APPBP2: variants seen among roughly 807,000 people sequenced by gnomAD.
APPBP2 encodes amyloid beta precursor protein binding protein 2.
APPBP2 carries 15 observed loss-of-function variants against 76.0 expected under a neutral mutation model. The observed-to-expected ratio is 0.20, with a 90% CI of 0.13 to 0.30. The LOEUF is 0.30. Among genes scored for constraint, APPBP2 ranks in the 10% least tolerant of loss-of-function variants. APPBP2 has a pLI of 1.00. For synonymous variants in APPBP2, 222 were observed against 242.2 expected, an observed-to-expected ratio of 0.92 and a Z score of 0.77; for missense variants, 401 against 687.2, an observed-to-expected ratio of 0.58 and a Z score of 4.66.
At chr17:60,496,421 T>G (rs1465580792) in intron 2 of APPBP2, 2 of 152,184 alleles carry the variant, frequency 1.3e-5, no homozygotes, top group Non-Finnish European at 1.5e-5. Context: ...ACCAAAGGAT[T>G]TGGACTTGGT....
chr17:60,525,700 GTGAGGGGTTAAC>G, intron 1 of APPBP2, 82 bp downstream of exon 1: 1 of 1,571,690 alleles, frequency 6.4e-7, no homozygotes. Flanking sequence ...GCCGGAAGGG[GTGAGGGGTTAAC>G]TGCGGGGGTT....
At chr17:60,459,920 C>T (rs937833641) in intron 9 of APPBP2, 1 of 152,240 alleles carries the variant, frequency 6.6e-6, no homozygotes, top group African/African-American at 2.4e-5. Context: ...AGTTATACCA[C>T]AGGCCATACT....
chr17:60,461,732 T>A, intron 8 of APPBP2, 78 bp downstream of exon 8: 1 of 1,020,416 alleles, frequency 9.8e-7, no homozygotes, highest in Non-Finnish European at 1.4e-6. Flanking sequence ...ATTTTTAGAG[T>A]GGTTTATACA....
chr17:60,513,004 G>A (rs1598375067), intron 1 of APPBP2, among the ~76,000 whole-genome samples: 1 of 140,480 alleles, frequency 7.1e-6, no homozygotes, highest in Non-Finnish European at 1.5e-5. Flanking sequence ...AAAAGGGAAC[G>A]CTACATGGTC....
At chr17:60,472,723 G>A (rs2090562704) in intron 4 of APPBP2, among the ~76,000 whole-genome samples, 1 of 152,192 alleles carries the variant, frequency 6.6e-6, no homozygotes, top group South Asian at 2.1e-4. Flanking sequence ...AGAATTAGCA[G>A]ACAGATTGAA....
At chr17:60,500,664 G>A (rs1372727853) in intron 1 of APPBP2, among the ~76,000 whole-genome samples, 177 bp from the exon 2 acceptor site, 1 of 151,710 alleles carries the variant, frequency 6.6e-6, no homozygotes, top group Non-Finnish European at 1.5e-5. Flanking sequence ...GCATATAATC[G>A]TTACAAATTG....
chr17:60,458,339 C>A (rs891001316), intron 9 of APPBP2, among the ~76,000 whole-genome samples: 2 of 151,748 alleles, frequency 1.3e-5, no homozygotes, highest in South Asian at 4.1e-4. Context: ...GTGGCTGAGA[C>A]AGGAGAATCG....
At chr17:60,462,948 C>CAA (rs59889728) in intron 6 of APPBP2, among the ~76,000 whole-genome samples, 8,342 of 65,294 alleles carry the variant, frequency 0.13, 1,050 homozygotes, top group African/African-American at 0.35. Flanking sequence ...GACTCCATCT[C>CAA]AAAAAAAAAA....
intron 12 of APPBP2, among the ~76,000 whole-genome samples, chr17:60,448,320 G>A (rs1316355306): frequency 6.6e-6 from 1 of 152,114 alleles, no homozygotes; most frequent in Non-Finnish European, 1.5e-5. Context: ...AAAATTAGCT[G>A]GGCGTGGTGG....
intron 4 of APPBP2, among the ~76,000 whole-genome samples, chr17:60,468,912 T>C (rs143528016): frequency 1.3e-3 from 193 of 152,308 alleles, no homozygotes; most frequent in African/African-American, 4.5e-3. Context: ...AATATACAAA[T>C]GTGTAAGTCA....
chr17:60,522,544 C>T lies in APPBP2; in HGVS notation c.138+3250G>A, dbSNP rs370272472. On this transcript the variant is annotated intron_variant, in intron 1 of 12. Transcript: ENST00000083182. ...CTATGTTGCCTAGGCTGGTCTCGAA[C>T]TCCTGTGCTCAAGCGATCCTTCTGC... is the stretch of plus-strand genomic sequence containing the variant. Among the ~76,000 whole-genome samples, 343 of 152,278 alleles carry T rather than the reference C, an allele frequency of 2.3e-3. 11 individuals are homozygous for T. The South Asian group carries it at 0.036, about 16-fold the overall frequency.
At chr17:60,507,460 G>A (rs1241294638) in intron 1 of APPBP2, among the ~76,000 whole-genome samples, 1 of 152,090 alleles carries the variant, frequency 6.6e-6, no homozygotes, top group East Asian at 1.9e-4. Context: ...GACCTCACGT[G>A]AGCTGCCCAC....
Position 60,525,925 on chromosome 17 carries a change from C to G in APPBP2, c.7G>C (p.Ala3Pro), listed in dbSNP as rs780513006. Residue 3 changes from alanine (A) to proline (P), a missense_variant, in exon 1 of 13, where the codon GCC (alanine) becomes CCC (proline). By Grantham distance (27) the Ala-to-Pro change is conservative. Coordinates refer to ENST00000083182, the MANE Select transcript of APPBP2 (RefSeq NM_006380.5). MA[A>P]VELEWIPETL... ...TCTGGGATCCACTCTAGTTCCACGG[C>G]CGCCATCTTCCTTCCCTCCTCCTCC... 1 of 1,610,420 alleles carries G rather than the reference C, an allele frequency of 6.2e-7. No homozygotes were observed. Among genetic ancestry groups the G allele is most frequent in the South Asian group, 1.1e-5 (1 of 90,270 alleles).
At chr17:60,500,645 T>G (rs8073192) in intron 1 of APPBP2, among the ~76,000 whole-genome samples, 158 bp from the exon 2 acceptor site, 12,493 of 152,180 alleles carry the variant, frequency 0.082, 1,696 homozygotes, top group African/African-American at 0.28. Context: ...TAAAAATATT[T>G]TAATAGTTGC....
rs879428229 is a variant in APPBP2, at chr17:60,504,134, AAAC to A, written c.139-3650_139-3648del. Among the ~76,000 whole-genome samples, 253 of 152,298 alleles carry A rather than the reference AAAC, an allele frequency of 1.7e-3. 2 individuals carry two copies. Among genetic ancestry groups the A allele is most frequent in the Admixed American group, 2.8e-3 (43 of 15,276 alleles). ...TAATGATTCTCATATAAGATTTTTA[AAAC>A]TTATTTTAGTTTATATTATGTACCC... is the stretch of plus-strand genomic sequence containing the variant. On this transcript the variant is annotated intron_variant, in intron 1 of 12. Transcript: ENST00000083182.
chr17:60,454,471 G>C lies in APPBP2; in HGVS notation c.1169C>G (p.Ala390Gly). The C allele has an allele frequency of 6.2e-7, 1 of 1,600,786 alleles. No homozygotes were observed. The highest frequency in any genetic ancestry group is 8.5e-7 in the Non-Finnish European group (1 of 1,175,400). The change falls in exon 11 of 13, where the codon GCA becomes GGA. Residue 390 changes from alanine (A) to glycine (G), a missense_variant. This residue lies in a region of APPBP2 where 130 missense variants were observed against 322.7 expected (regional missense o/e 0.40). Coordinates refer to ENST00000083182, the MANE Select transcript of APPBP2 (RefSeq NM_006380.5). Reference protein sequence around the residue: ...RVKALILEEIAIDCHNKETEQ... With the variant: ...RVKALILEEIGIDCHNKETEQ... The stretch of plus-strand genomic sequence containing the variant: ...AGTTTCCTTATTATGACAATCAATT[G>C]CAATCTCCTCTAAAATAAGTGCTAA...
In APPBP2 at chr17:60,479,214, C is replaced by G; in HGVS notation, c.437G>C (p.Cys146Ser). The G allele has an allele frequency of 1.2e-6, 2 of 1,613,750 alleles. No individual in the cohort carries two copies. The highest frequency in any genetic ancestry group is 1.7e-6 in the Non-Finnish European group (2 of 1,179,866). Residue 146 changes from cysteine (C) to serine (S), a missense_variant, in exon 4 of 13, where the codon TGC (cysteine) becomes TCC (serine). By Grantham distance (112) the Cys-to-Ser change is moderately radical (BLOSUM62 -1). Transcript: ENST00000083182. Reference protein sequence around the residue: ...YSDAEKVFLSCLQLCTLHDEM... With the variant: ...YSDAEKVFLSSLQLCTLHDEM... Reference sequence around the variant, plus strand: ...ATCGTGTAGAGTACACAACTGAAGGCAGGACAGAAAAACTTTCTCAGCATC... The same window carrying G: ...ATCGTGTAGAGTACACAACTGAAGGGAGGACAGAAAAACTTTCTCAGCATC...
intron 1 of APPBP2, among the ~76,000 whole-genome samples, chr17:60,523,506 T>G (rs1474666736): frequency 6.6e-6 from 1 of 151,778 alleles, no homozygotes; most frequent in African/African-American, 2.4e-5. Flanking sequence ...ACAAAAAAAG[T>G]TTCTTATATG....
At chr17:60,460,995 G>A (rs1358958258) in intron 8 of APPBP2, 3 of 302,720 alleles carry the variant, frequency 9.9e-6, no homozygotes, top group South Asian at 7.8e-5. Flanking sequence ...AAAAGGCCAC[G>A]GCTTAATAAT....
Sources: gnomAD v4.1 joint callset for allele counts (sites outside exome capture counted in the v4.1 genomes callset) on GRCh38, gnomAD v4.1.1 for gene constraint, gnomAD v4.1.1 regional missense constraint, MANE v1.5 for transcripts, NCBI Gene and HGNC (gene_info 2026-07-23, HGNC 2026-07-21) for gene names.